The following ITPR3 variants were observed in gnomAD, a reference collection of about 807,000 sequenced individuals.
ITPR3 encodes the protein inositol 1,4,5-trisphosphate-gated calcium channel ITPR3.
Under a neutral mutation model 293.2 loss-of-function variants are expected in ITPR3, and 173 were observed. That is an observed-to-expected ratio of 0.59 (90% CI 0.52 to 0.67). The LOEUF (loss-of-function observed/expected upper bound fraction) is 0.67, where lower values mean the gene tolerates loss of function less well. Ranked by LOEUF, ITPR3 falls within the 30% of genes least tolerant of loss-of-function variation. ITPR3 has a pLI of 0.00. For missense variants in ITPR3, 2,796 were observed against 3,592.1 expected (o/e 0.78, Z 5.66); for synonymous variants, 1,295 against 1,444.4 (o/e 0.90, Z 2.35).
rs1326885576 is a variant in ITPR3, at chr6:33,654,560, G to A, written c.161-1206G>A. 1.3e-5 allele frequency among the ~76,000 whole-genome samples: 2 copies of A among 152,204 alleles called. No individual in the cohort carries two copies. The highest frequency in any genetic ancestry group is 1.9e-4 in the East Asian group (1 of 5,190). ...ATTTTTCTTTGGTCCCTTGGGACTG[G>A]ATGACCAGCTTTGACCAGAGAAAAG... is the stretch of plus-strand genomic sequence containing the variant. On this transcript the variant is annotated intron_variant, in intron 2 of 57. Transcript: ENST00000605930. The surrounding 1 kb of genome is among the most constrained non-coding windows in gnomAD (Gnocchi z 4.1).
Position 33,688,724 on chromosome 6 carries a change from G to A in ITPR3, c.6637G>A (p.Val2213Met), listed in dbSNP as rs1237521649. The change falls in exon 49 of 58, where the codon GTG (valine) becomes ATG (methionine). Residue 2213 changes from valine (V) to methionine (M), a missense_variant. By Grantham distance (21) the Val-to-Met change is conservative. Coordinates refer to ENST00000605930, the MANE Select transcript of ITPR3 (RefSeq NM_002224.4). ...GGGCAGCATCTCCTTCAACCTGGCC[G>A]TGTTTATCAACATCATCATTGCCTT... The part of the protein sequence containing the change: ...LWGSISFNLA[V>M]FINIIIAFFY... 2.5e-6 allele frequency: 4 copies of A among 1,614,208 alleles called. No individual in the cohort carries two copies. Among genetic ancestry groups the A allele is most frequent in the Non-Finnish European group, 2.5e-6 (3 of 1,180,038 alleles).
chr6:33,687,599 G>GTGGT lies in ITPR3; in HGVS notation c.6264+35_6264+36insTGGT. 1 of 1,496,700 alleles carries GTGGT rather than the reference G, an allele frequency of 6.7e-7. No homozygotes were observed. 92.7% of individuals were successfully genotyped at this position (1,496,700 alleles called of 1,614,324 possible). A position where few individuals can be genotyped will look rare whatever the true frequency, so the allele number is the denominator to read the frequency against. ...GGCCCCGAGACTGGGGTGGGGGTGG[G>GTGGT]GCCTGGAACCCAGGGAGGACACTTG... On this transcript the variant is annotated intron_variant, in intron 46 of 57. Transcript: ENST00000605930. This position sits in a 1 kb window ranked among gnomAD's most constrained non-coding sequence, Gnocchi z 5.3.
chr6:33,695,280 TA>T, intron 57 of ITPR3, 195 bp downstream of exon 57: 1 of 627,688 alleles, frequency 1.6e-6, no homozygotes, highest in Non-Finnish European at 2.7e-6. Context: ...CTTGGGCCGC[TA>T]AAGACAAGGC....
At position 33,672,345 on chromosome 6, in the gene ITPR3, C is replaced by A; in HGVS notation, c.2928+117C>A. 1.1e-6 allele frequency: 1 copy of A among 881,110 alleles called. No individual in the cohort carries two copies. The highest frequency in any genetic ancestry group is 1.7e-6 in the Non-Finnish European group (1 of 582,052). The allele number at this position is 881,110 out of a possible 1,614,324, so 54.6% of individuals were successfully genotyped here. A position where few individuals can be genotyped will look rare whatever the true frequency, so the allele number is the denominator to read the frequency against. The stretch of plus-strand genomic sequence containing the variant: ...GATCTCAGTATTTAGTACTGGAAGT[C>A]TCCATCGTGACTGGCTGTCAGGCCC... On this transcript the variant is annotated intron_variant, in intron 22 of 57. Transcript: ENST00000605930. The surrounding 1 kb of genome is among the most constrained non-coding windows in gnomAD (Gnocchi z 5.0).
At chr6:33,643,229 C>G (rs1023851252) in intron 2 of ITPR3, among the ~76,000 whole-genome samples, 4 of 152,218 alleles carry the variant, frequency 2.6e-5, no homozygotes, top group African/African-American at 9.6e-5. Flanking sequence ...TTCTGCCCCC[C>G]ACCATCTTGG....
chr6:33,662,015 A>AAAAAAAAC, intron 7 of ITPR3, among the ~76,000 whole-genome samples: 2 of 147,950 alleles, frequency 1.4e-5, no homozygotes, highest in Non-Finnish European at 3.0e-5. Flanking sequence ...AAAAAAAAAA[A>AAAAAAAAC]AAGACAGGAT....
At chr6:33,686,956 A>G in intron 43 of ITPR3, 53 bp from the exon 44 acceptor site, 1 of 1,409,414 alleles carries the variant, frequency 7.1e-7, no homozygotes, top group Non-Finnish European at 1.0e-6. Context: ...AGAAGTTGTC[A>G]GGGGCATGGT....
In ITPR3 at chr6:33,673,726, C is replaced by T. The variant is rs754628126; in HGVS notation, c.3058+6C>T. ...CCCTGCCTTCGACTCTACCAGTAAGCCCCTGCCCTGCCTTCAGGCTGAGGC... is the reference window on the plus strand; with the variant it reads ...CCCTGCCTTCGACTCTACCAGTAAGTCCCTGCCCTGCCTTCAGGCTGAGGC... On this transcript the variant is annotated splice_donor_region_variant and intron_variant, in intron 23 of 57. Coordinates refer to ENST00000605930, the MANE Select transcript of ITPR3 (RefSeq NM_002224.4). 6 of 1,613,948 alleles carry T rather than the reference C, an allele frequency of 3.7e-6. No homozygotes were observed. The South Asian group carries it at 6.6e-5, about 18-fold the overall frequency.
At chr6:33,673,492 G>A in intron 22 of ITPR3, 99 bp from the exon 23 acceptor site, 1 of 1,492,074 alleles carries the variant, frequency 6.7e-7, no homozygotes, top group Non-Finnish European at 9.1e-7. Flanking sequence ...AGCCTATTTG[G>A]GGGCTCCCTG....
At position 33,621,550 on chromosome 6, in the gene ITPR3, G is replaced by T; in HGVS notation, c.-53G>T. 1 of 1,376,638 alleles carries T rather than the reference G, an allele frequency of 7.3e-7. No individual in the cohort carries two copies. Among genetic ancestry groups the T allele is most frequent in the Non-Finnish European group, 1.0e-6 (1 of 986,462 alleles). The allele number at this position is 1,376,638 out of a possible 1,614,324, so 85.3% of individuals were successfully genotyped here. ...CGCCTCAGTCCTCCGCACTGAGCTT[G>T]GCCACGCGCCCCTAGGCGCCCCCCA... On this transcript the variant is annotated 5_prime_UTR_variant, in exon 1 of 58. Coordinates refer to ENST00000605930, the MANE Select transcript of ITPR3 (RefSeq NM_002224.4). This position sits in a 1 kb window ranked among gnomAD's most constrained non-coding sequence, Gnocchi z 7.7.
In ITPR3 at chr6:33,687,093, C is replaced by A; in HGVS notation, c.6064C>A (p.Pro2022Thr). 1.2e-6 allele frequency: 2 copies of A among 1,613,910 alleles called. No individual in the cohort carries two copies. The highest frequency in any genetic ancestry group is 1.7e-6 in the Non-Finnish European group (2 of 1,179,924). ...TGAGCGAATCCTCATCAGCCTGCGGCCCCAGGAGCTGGTGAGGCTGGGCAG... is the reference window on the plus strand; with the variant it reads ...TGAGCGAATCCTCATCAGCCTGCGGACCCAGGAGCTGGTGAGGCTGGGCAG... The part of the protein sequence containing the change: ...NAERILISLR[P>T]QELVDVIKKA... Residue 2022 changes from proline to threonine, a missense_variant, in exon 44 of 58, where the codon CCC becomes ACC. Physicochemically the swap from Pro to Thr is conservative, Grantham distance 38. Transcript: ENST00000605930. This position sits in a 1 kb window ranked among gnomAD's most constrained non-coding sequence, Gnocchi z 5.3.
Position 33,672,636 on chromosome 6 carries a change from C to A in ITPR3, c.2928+408C>A, listed in dbSNP as rs1764800035. On this transcript the variant is annotated intron_variant, in intron 22 of 57. Transcript: ENST00000605930. This position sits in a 1 kb window ranked among gnomAD's most constrained non-coding sequence, Gnocchi z 5.0. The stretch of plus-strand genomic sequence containing the variant: ...CACCCTAGACCTACTGAGTCAGGAA[C>A]ACTGGAGAGGGGCCCTGTGGGCTGT... Among the ~76,000 whole-genome samples the A allele has an allele frequency of 6.6e-6, 1 of 152,190 alleles. No homozygotes were observed. The highest frequency in any genetic ancestry group is 2.1e-4 in the South Asian group (1 of 4,818).
chr6:33,637,481 G>GT (rs1482924905), intron 1 of ITPR3, among the ~76,000 whole-genome samples: 1 of 152,088 alleles, frequency 6.6e-6, no homozygotes, highest in Non-Finnish European at 1.5e-5. Flanking sequence ...TTGTTTGTTT[G>GT]TTTTTTTAAC....
At chr6:33,639,391 A>C (rs983663414) in intron 1 of ITPR3, among the ~76,000 whole-genome samples, 30 of 151,868 alleles carry the variant, frequency 2.0e-4, no homozygotes, top group Non-Finnish European at 4.3e-4. Context: ...AAAAAAAAAA[A>C]AAAACAGAAA....
rs1057285766 is a variant in ITPR3 at position 33,689,923 on chromosome 6, A to G, written c.6868-111A>G. On this transcript the variant is annotated intron_variant, in intron 50 of 57. Coordinates refer to ENST00000605930, the MANE Select transcript of ITPR3 (RefSeq NM_002224.4). ...GCGCCTAGATGCGTTTCTGGAAGCAATTTCATTAATGCCATGCCTCCCAGG... is the reference window on the plus strand; with the variant it reads ...GCGCCTAGATGCGTTTCTGGAAGCAGTTTCATTAATGCCATGCCTCCCAGG... The G allele has an allele frequency of 1.9e-5, 25 of 1,330,744 alleles. No homozygotes were observed. In the African/African-American group the frequency reaches 2.9e-4, roughly 16 times the overall value. The allele number at this position is 1,330,744 out of a possible 1,614,324, so 82.4% of individuals were successfully genotyped here. A position where few individuals can be genotyped will look rare whatever the true frequency, so the allele number is the denominator to read the frequency against.
At position 33,666,473 on chromosome 6, in the gene ITPR3, T is replaced by G. The variant is rs1386636204; in HGVS notation, c.1551+497T>G. On this transcript the variant is annotated intron_variant, in intron 14 of 57. Transcript: ENST00000605930. The surrounding 1 kb of genome is among the most constrained non-coding windows in gnomAD (Gnocchi z 5.1). Reference sequence around the variant, plus strand: ...AGGCAGCATTTTACACCCAAAAGTTTCAGCAGGCATCCCTAACAATAGGGA... The same window carrying G: ...AGGCAGCATTTTACACCCAAAAGTTGCAGCAGGCATCCCTAACAATAGGGA... Among the ~76,000 whole-genome samples, 1 of 152,162 alleles carries G rather than the reference T, an allele frequency of 6.6e-6. No homozygotes were observed. The highest frequency in any genetic ancestry group is 1.5e-5 in the Non-Finnish European group (1 of 68,030).
chr6:33,659,546 A>G lies in ITPR3; in HGVS notation c.708A>G (p.Lys236=). The part of the protein sequence containing the change: ...QFRDHLEEVL[K]GGDVVRLFHA... ...GGGACCACCTGGAGGAGGTGTTGAAAGGGGTAAGGACTGGGAACCCCTGCC... is the reference window on the plus strand; with the variant it reads ...GGGACCACCTGGAGGAGGTGTTGAAGGGGGTAAGGACTGGGAACCCCTGCC... Residue 236 remains lysine, a synonymous_variant, in exon 7 of 58, where the codon AAA becomes AAG. Transcript: ENST00000605930. 1 of 1,613,676 alleles carries G rather than the reference A, an allele frequency of 6.2e-7. No homozygotes were observed. The highest frequency in any genetic ancestry group is 8.5e-7 in the Non-Finnish European group (1 of 1,179,674).
intron 30 of ITPR3, 72 bp downstream of exon 30, chr6:33,678,911 C>G (rs1250214237): frequency 6.8e-7 from 1 of 1,472,618 alleles, no homozygotes; most frequent in Non-Finnish European, 9.3e-7. Flanking sequence ...GCGGGAAGGC[C>G]ACAGAGTTAG....
rs1251920886 is a variant in ITPR3, at chr6:33,691,508, G to A, written c.7226-107G>A. The A allele has an allele frequency of 1.1e-5, 10 of 908,798 alleles. No individual in the cohort carries two copies. The highest frequency in any genetic ancestry group is 5.3e-5 in the East Asian group (2 of 37,984). 56.3% of individuals were successfully genotyped at this position (908,798 alleles called of 1,614,324 possible). On this transcript the variant is annotated intron_variant, in intron 52 of 57. Coordinates refer to ENST00000605930, the MANE Select transcript of ITPR3 (RefSeq NM_002224.4). This position sits in a 1 kb window ranked among gnomAD's most constrained non-coding sequence, Gnocchi z 4.9. ...TGTGGCTGGACAGTGGAGGGCTGGC[G>A]ATCCAGGACCAGGGAAGGTTTCCTG...
Sources: gnomAD v4.1 joint callset for allele counts (sites outside exome capture counted in the v4.1 genomes callset) on GRCh38, gnomAD v4.1.1 for gene constraint, Gnocchi (gnomAD v3.1) non-coding constraint, MANE v1.5 for transcripts, NCBI Gene and HGNC (gene_info 2026-07-23, HGNC 2026-07-21) for gene names.